SMOC1: variants seen among roughly 807,000 people sequenced by gnomAD.
SMOC1 encodes SPARC related modular calcium binding 1.
In SMOC1, 22 loss-of-function variants were observed where a neutral mutation model predicts 56.3. That is an observed-to-expected ratio of 0.39 (90% CI 0.28 to 0.56). The LOEUF (loss-of-function observed/expected upper bound fraction) is 0.56, where lower values mean the gene tolerates loss of function less well. SMOC1 is among the 20% of genes least tolerant of loss of function. The probability of loss-of-function intolerance (pLI) is 0.61; values close to 1 mark genes in which losing one functional copy is unlikely to be tolerated. For missense variants in SMOC1, 509 were observed against 565.4 expected (o/e 0.90, Z 1.01); for synonymous variants, 193 against 215.0 (o/e 0.90, Z 0.89).
intron 1 of SMOC1, among the ~76,000 whole-genome samples, chr14:69,883,889 AT>A (rs34300667): frequency 3.5e-4 from 23 of 66,636 alleles, no homozygotes; most frequent in Middle Eastern, 0.014. Flanking sequence ...GATGTTGAGC[AT>A]TTTTTTTTTT....
At chr14:69,915,181 T>G (rs1203618969) in intron 1 of SMOC1, among the ~76,000 whole-genome samples, 1 of 152,224 alleles carries the variant, frequency 6.6e-6, no homozygotes, top group African/African-American at 2.4e-5. Context: ...TTACACATTC[T>G]GTCCTCAAAC....
chr14:69,954,436 T>G (rs1040741471), intron 3 of SMOC1, among the ~76,000 whole-genome samples: 1 of 152,176 alleles, frequency 6.6e-6, no homozygotes, highest in African/African-American at 2.4e-5. Flanking sequence ...CCAAAAGTGC[T>G]AGGATTATAG....
chr14:69,997,270 A>G (rs1193940751), intron 7 of SMOC1, among the ~76,000 whole-genome samples: 2 of 152,214 alleles, frequency 1.3e-5, no homozygotes, highest in African/African-American at 4.8e-5. Flanking sequence ...ACCATCTCAC[A>G]CATACCTTTT....
chr14:69,889,081 G>A (rs1008144409), intron 1 of SMOC1, among the ~76,000 whole-genome samples: 2 of 152,136 alleles, frequency 1.3e-5, no homozygotes, highest in Non-Finnish European at 2.9e-5. Context: ...GTACACTGAG[G>A]ACCTGAATTT....
chr14:69,940,290 A>G (rs1882503810), intron 1 of SMOC1, among the ~76,000 whole-genome samples: 1 of 152,164 alleles, frequency 6.6e-6, no homozygotes, highest in South Asian at 2.1e-4. Context: ...GCAAAGAGCT[A>G]CCAGTGATGA....
chr14:69,930,209 T>TCCCCCCCCTGACAG (rs1566677592), intron 1 of SMOC1, among the ~76,000 whole-genome samples: 1 of 129,142 alleles, frequency 7.7e-6, no homozygotes, highest in African/African-American at 4.1e-5. Flanking sequence ...AGCACCCTTC[T>TCCCCCCCCTGACAG]CACCCCCCTG....
intron 1 of SMOC1, among the ~76,000 whole-genome samples, chr14:69,892,016 A>G (rs1000961775): frequency 6.6e-6 from 1 of 152,214 alleles, no homozygotes; most frequent in Non-Finnish European, 1.5e-5. Context: ...TTTAAAAAAA[A>G]TACTGAAGAT....
chr14:69,996,295 C>T (rs1426850241), intron 7 of SMOC1, among the ~76,000 whole-genome samples: 4 of 152,208 alleles, frequency 2.6e-5, no homozygotes, highest in Non-Finnish European at 5.9e-5. Context: ...TTTGTGTCAT[C>T]TCACTTGAGC....
At chr14:70,030,176 A>G (rs1886086912) in intron 11 of SMOC1, 66 bp from the exon 12 acceptor site, 5 of 1,603,964 alleles carry the variant, frequency 3.1e-6, no homozygotes, top group Non-Finnish European at 4.3e-6. Context: ...CCCAACTCTA[A>G]CTTCTTGCTT....
intron 3 of SMOC1, among the ~76,000 whole-genome samples, chr14:69,970,657 A>AG (rs1362953268): frequency 6.6e-6 from 1 of 152,148 alleles, no homozygotes; most frequent in Admixed American, 6.5e-5. Context: ...TGCGGGTGAT[A>AG]GTTGTCTATA....
intron 5 of SMOC1, among the ~76,000 whole-genome samples, chr14:69,985,975 G>A (rs984018488): frequency 2.6e-5 from 4 of 152,208 alleles, no homozygotes; most frequent in South Asian, 4.2e-4. Context: ...GGTTCTATCC[G>A]CGGTTGAAGG....
intron 7 of SMOC1, among the ~76,000 whole-genome samples, chr14:69,999,008 G>A (rs1430756535): frequency 1.3e-5 from 2 of 152,194 alleles, no homozygotes; most frequent in Non-Finnish European, 2.9e-5. Context: ...GAATGGAGCA[G>A]CTCATGGTGA....
At chr14:69,903,230 G>A (rs916253018) in intron 1 of SMOC1, among the ~76,000 whole-genome samples, 29 of 149,544 alleles carry the variant, frequency 1.9e-4, no homozygotes, top group African/African-American at 5.2e-4. Flanking sequence ...CTGCCCCGCC[G>A]CCCCGTCTGG....
At chr14:69,997,351 G>A (rs1327735676) in intron 7 of SMOC1, among the ~76,000 whole-genome samples, 1 of 152,208 alleles carries the variant, frequency 6.6e-6, no homozygotes, top group Non-Finnish European at 1.5e-5. Flanking sequence ...TTGATGTTTG[G>A]CTTTCTTAGG....
intron 1 of SMOC1, among the ~76,000 whole-genome samples, chr14:69,944,120 C>G (rs568961279): frequency 6.6e-6 from 1 of 152,214 alleles, no homozygotes; most frequent in Non-Finnish European, 1.5e-5. Context: ...GTGTCACACC[C>G]AGATCTTGGT....
chr14:69,927,633 G>A (rs551542872), intron 1 of SMOC1, among the ~76,000 whole-genome samples: 57 of 152,214 alleles, frequency 3.7e-4, no homozygotes, highest in Non-Finnish European at 6.2e-4. Context: ...CCAAGATTGC[G>A]CCACTGCACT....
chr14:69,924,566 C>T (rs552474450), intron 1 of SMOC1, among the ~76,000 whole-genome samples: 38 of 151,810 alleles, frequency 2.5e-4, no homozygotes, highest in African/African-American at 9.2e-4. Flanking sequence ...GGGTGGAATC[C>T]TACATGATCT....
chr14:69,989,863 G>C (rs1256755176), intron 5 of SMOC1, among the ~76,000 whole-genome samples: 1 of 152,230 alleles, frequency 6.6e-6, no homozygotes, highest in East Asian at 1.9e-4. Context: ...TGGGTCAGAA[G>C]CCAGGAGCCC....
At chr14:69,977,019 G>A (rs1287722134) in intron 4 of SMOC1, among the ~76,000 whole-genome samples, 1 of 152,238 alleles carries the variant, frequency 6.6e-6, no homozygotes, top group African/African-American at 2.4e-5. Context: ...GGGAGGTACA[G>A]GAATTAGCCC....
Sources: gnomAD v4.1 joint callset for allele counts (sites outside exome capture counted in the v4.1 genomes callset) on GRCh38, gnomAD v4.1.1 for gene constraint, MANE v1.5 for transcripts, NCBI Gene and HGNC (gene_info 2026-07-23, HGNC 2026-07-21) for gene names.